Variants in ARHGAP15 observed in about 807,000 individuals in gnomAD.
ARHGAP15 encodes the protein rho GTPase-activating protein 15.
In ARHGAP15, 51 loss-of-function variants were observed where a neutral mutation model predicts 63.7. The observed-to-expected ratio is 0.80, with a 90% confidence interval of 0.64 to 1.01. The LOEUF is 1.01. Among genes scored for constraint, ARHGAP15 ranks in the 50% least tolerant of loss-of-function variants. The pLI is 0.00. For synonymous variants in ARHGAP15, 191 were observed against 193.8 expected (o/e 0.99, Z 0.12); for missense variants, 560 against 564.6 (o/e 0.99, Z 0.08).
chr2:143,718,469 A>T (rs1290873845), intron 13 of ARHGAP15, among the ~76,000 whole-genome samples: 2 of 152,224 alleles, frequency 1.3e-5, no homozygotes, highest in Admixed American at 1.3e-4. Flanking sequence ...TTTTTGGTCT[A>T]TAATTTTTCC....
intron 12 of ARHGAP15, among the ~76,000 whole-genome samples, chr2:143,672,810 T>C (rs1574818255): frequency 1.3e-5 from 2 of 152,202 alleles, no homozygotes; most frequent in South Asian, 4.1e-4. Context: ...ATTGAAACTA[T>C]AGTTTGAATA....
intron 6 of ARHGAP15, among the ~76,000 whole-genome samples, chr2:143,312,055 C>T (rs1246302549): frequency 6.6e-6 from 1 of 152,036 alleles, no homozygotes; most frequent in Non-Finnish European, 1.5e-5. Flanking sequence ...TGATTTTATC[C>T]ATGCAAGTAA....
At chr2:143,612,452 G>A (rs558064092) in intron 11 of ARHGAP15, among the ~76,000 whole-genome samples, 2 of 152,308 alleles carry the variant, frequency 1.3e-5, no homozygotes, top group African/African-American at 2.4e-5. Context: ...GATATAGCTG[G>A]TTCTGGGACA....
intron 10 of ARHGAP15, among the ~76,000 whole-genome samples, chr2:143,554,687 G>A (rs1327299262): frequency 6.6e-6 from 1 of 152,106 alleles, no homozygotes; most frequent in Non-Finnish European, 1.5e-5. Flanking sequence ...CATTCTGGGT[G>A]TAAGTGCATG....
At chr2:143,188,265 T>A (rs1691525475) in intron 2 of ARHGAP15, among the ~76,000 whole-genome samples, 1 of 152,128 alleles carries the variant, frequency 6.6e-6, no homozygotes, top group African/African-American at 2.4e-5. Flanking sequence ...ATTTTCTAAA[T>A]TTTTCCAACT....
At position 143,464,758 on chromosome 2, in the gene ARHGAP15, AT is replaced by A. The variant is rs1286069601; in HGVS notation, c.704-22608del. On this transcript the variant is annotated intron_variant, in intron 8 of 13. Coordinates refer to ENST00000295095, the MANE Select transcript of ARHGAP15 (RefSeq NM_018460.4). ...TTCTATTATAGGCTGTACCCTCATA[AT>A]TTTTTTGTTCTAATTTTGTCTTTAT... Among the ~76,000 whole-genome samples the A allele has an allele frequency of 3.3e-5, 5 of 152,138 alleles. No individual in the cohort carries two copies. The South Asian group carries it at 6.2e-4, about 19-fold the overall frequency.
chr2:143,189,247 A>G (rs1400272448), intron 2 of ARHGAP15, among the ~76,000 whole-genome samples: 1 of 151,896 alleles, frequency 6.6e-6, no homozygotes, highest in African/African-American at 2.4e-5. Flanking sequence ...TTCCACATAC[A>G]CTATTTTTGG....
intron 2 of ARHGAP15, among the ~76,000 whole-genome samples, chr2:143,167,093 A>G (rs1422831209): frequency 6.6e-6 from 1 of 152,142 alleles, no homozygotes; most frequent in African/African-American, 2.4e-5. Context: ...GACATAATTT[A>G]AACTTCTACA....
At chr2:143,571,398 T>C (rs748228433) in intron 11 of ARHGAP15, among the ~76,000 whole-genome samples, 10 of 152,226 alleles carry the variant, frequency 6.6e-5, no homozygotes, top group Non-Finnish European at 1.2e-4. Flanking sequence ...ACTAAATCTT[T>C]GTAAGAAAGC....
At chr2:143,284,127 GGA>G in intron 6 of ARHGAP15, among the ~76,000 whole-genome samples, 1 of 152,084 alleles carries the variant, frequency 6.6e-6, no homozygotes, top group South Asian at 2.1e-4. Context: ...ATATTTATTT[GGA>G]AATAAATATT....
intron 12 of ARHGAP15, among the ~76,000 whole-genome samples, chr2:143,653,436 T>C (rs1559104760): frequency 1.3e-5 from 2 of 152,118 alleles, no homozygotes; most frequent in Non-Finnish European, 2.9e-5. Context: ...TAACTAGAAA[T>C]TCAATTTCTC....
chr2:143,762,197 A>G (rs1686784943), intron 13 of ARHGAP15, among the ~76,000 whole-genome samples: 1 of 152,168 alleles, frequency 6.6e-6, no homozygotes, highest in South Asian at 2.1e-4. Context: ...ATGATGAGTC[A>G]ACATACATCA....
chr2:143,687,057 T>TA (rs1683383713), intron 12 of ARHGAP15, among the ~76,000 whole-genome samples: 2 of 152,234 alleles, frequency 1.3e-5, no homozygotes, highest in Admixed American at 1.3e-4. Context: ...GGGCATCTAA[T>TA]ACTTGTAGAA....
At chr2:143,668,568 TA>T (rs35624434) in intron 12 of ARHGAP15, among the ~76,000 whole-genome samples, 98,443 of 152,042 alleles carry the variant, frequency 0.65, 32,864 homozygotes, top group Middle Eastern at 0.76. Flanking sequence ...TGCAATTAGC[TA>T]GTTTGACAAG....
intron 9 of ARHGAP15, among the ~76,000 whole-genome samples, chr2:143,509,789 G>A (rs907554800): frequency 4.6e-5 from 7 of 152,058 alleles, no homozygotes; most frequent in African/African-American, 1.7e-4. Context: ...TTGGGAGGCC[G>A]AGGCAGGCGG....
chr2:143,322,752 A>G (rs1291174249), intron 6 of ARHGAP15, among the ~76,000 whole-genome samples: 1 of 152,216 alleles, frequency 6.6e-6, no homozygotes, highest in East Asian at 1.9e-4. Context: ...TCTGAGTTGC[A>G]TGATGCTTCG....
chr2:143,255,340 C>T (rs1038765705), intron 6 of ARHGAP15, among the ~76,000 whole-genome samples: 2 of 151,964 alleles, frequency 1.3e-5, no homozygotes, highest in Non-Finnish European at 2.9e-5. Flanking sequence ...GATTATTTTT[C>T]AAGATTCTTT....
intron 12 of ARHGAP15, among the ~76,000 whole-genome samples, chr2:143,669,799 A>G (rs923642033): frequency 2.6e-5 from 4 of 152,220 alleles, no homozygotes; most frequent in Admixed American, 1.3e-4. Flanking sequence ...TGGGAAAATG[A>G]GAGTTCTCAG....
chr2:143,226,839 T>C (rs1693231028), intron 4 of ARHGAP15, among the ~76,000 whole-genome samples: 1 of 152,190 alleles, frequency 6.6e-6, no homozygotes, highest in African/African-American at 2.4e-5. Flanking sequence ...TTAAGAAAGC[T>C]CCAGGCATAT....
Sources: gnomAD v4.1 joint callset for allele counts (sites outside exome capture counted in the v4.1 genomes callset) on GRCh38, gnomAD v4.1.1 for gene constraint, MANE v1.5 for transcripts, NCBI Gene and HGNC (gene_info 2026-07-23, HGNC 2026-07-21) for gene names.